The following USH2A variants were observed in gnomAD, a reference collection of about 807,000 sequenced individuals.
USH2A encodes the protein usherin.
In USH2A, 443 loss-of-function variants were observed where a neutral mutation model predicts 538.9. That is an observed-to-expected ratio of 0.82 (90% CI 0.76 to 0.89). The LOEUF is 0.89. Among genes scored for constraint, USH2A ranks in the 40% least tolerant of loss-of-function variants. USH2A has a pLI of 0.00. For synonymous variants in USH2A, 2,413 were observed against 2,273.5 expected (o/e 1.06, Z -1.75); for missense variants, 6,633 against 6,324.8 (o/e 1.05, Z -1.65).
intron 40 of USH2A, among the ~76,000 whole-genome samples, chr1:215,893,675 A>G (rs574571878): frequency 2.6e-5 from 4 of 152,274 alleles, no homozygotes; most frequent in Admixed American, 1.3e-4. Flanking sequence ...CATTACTTTC[A>G]CCTGCAGTCT....
intron 34 of USH2A, 81 bp downstream of exon 34, chr1:215,998,806 A>T: frequency 2.1e-6 from 3 of 1,445,354 alleles, no homozygotes; most frequent in Non-Finnish European, 1.9e-6. Flanking sequence ...TTTAAGTGAG[A>T]GAGAAAGAAA....
chr1:215,876,951 T>C (rs879680170), intron 43 of USH2A, among the ~76,000 whole-genome samples: 1 of 152,186 alleles, frequency 6.6e-6, no homozygotes, highest in Non-Finnish European at 1.5e-5. Flanking sequence ...GTGGTGGGTC[T>C]AGAAAAATAA....
chr1:216,028,681 C>T (rs531280704), intron 32 of USH2A, among the ~76,000 whole-genome samples: 137 of 152,066 alleles, frequency 9.0e-4, no homozygotes, highest in Admixed American at 2.0e-3. Context: ...ATATAGAGTG[C>T]ATGCAAATGG....
chr1:216,165,948 T>A (rs1237851751), intron 21 of USH2A, among the ~76,000 whole-genome samples: 4 of 152,122 alleles, frequency 2.6e-5, no homozygotes, highest in South Asian at 2.1e-4. Flanking sequence ...TAGTTTTTTT[T>A]ATCCCTCACC....
intron 61 of USH2A, among the ~76,000 whole-genome samples, chr1:215,692,955 G>A (rs147561463): frequency 3.3e-5 from 5 of 151,356 alleles, no homozygotes; most frequent in African/African-American, 4.8e-5. Context: ...CCGGGTTGGA[G>A]TATTGTGGCA....
At chr1:216,185,431 A>G (rs78007655) in intron 20 of USH2A, among the ~76,000 whole-genome samples, 4,520 of 152,034 alleles carry the variant, frequency 0.03, 110 homozygotes, top group Non-Finnish European at 0.047. Context: ...TGAGACCGAG[A>G]TTTAAGGGGG....
At chr1:216,298,603 C>A (rs188940615) in intron 9 of USH2A, among the ~76,000 whole-genome samples, 1 of 152,052 alleles carries the variant, frequency 6.6e-6, no homozygotes, top group Non-Finnish European at 1.5e-5. Context: ...AGAAAAAAAC[C>A]CTGCAGATAT....
At chr1:216,208,423 T>C (rs2035167428) in intron 15 of USH2A, among the ~76,000 whole-genome samples, 1 of 152,078 alleles carries the variant, frequency 6.6e-6, no homozygotes, top group Non-Finnish European at 1.5e-5. Context: ...AAATGTAAGG[T>C]ACAGAAAAGA....
intron 4 of USH2A, among the ~76,000 whole-genome samples, chr1:216,364,514 G>A (rs533256555): frequency 1.3e-5 from 2 of 152,256 alleles, no homozygotes; most frequent in Admixed American, 1.3e-4. Flanking sequence ...TTAAGTTAAG[G>A]AACTCAGGGT....
At chr1:216,361,823 G>A (rs527958790) in intron 4 of USH2A, among the ~76,000 whole-genome samples, 60 of 152,268 alleles carry the variant, frequency 3.9e-4, no homozygotes, top group African/African-American at 1.4e-3. Flanking sequence ...AGATATAACT[G>A]CATACACTAT....
chr1:216,320,132 GT>G (rs1294573858), intron 9 of USH2A, among the ~76,000 whole-genome samples: 6 of 152,108 alleles, frequency 3.9e-5, no homozygotes, highest in African/African-American at 1.4e-4. Context: ...AGTGTTGGAG[GT>G]GAGCCTGGTG....
At chr1:216,222,334 G>A (rs1242692715) in intron 14 of USH2A, among the ~76,000 whole-genome samples, 3 of 152,272 alleles carry the variant, frequency 2.0e-5, no homozygotes, top group Admixed American at 2.0e-4. Flanking sequence ...ATTAACATTG[G>A]TGTGCTCTAA....
intron 58 of USH2A, among the ~76,000 whole-genome samples, chr1:215,754,976 C>T (rs958509242): frequency 3.9e-5 from 6 of 152,252 alleles, no homozygotes; most frequent in South Asian, 2.1e-4. Context: ...TTCCCTTCAG[C>T]GGCTTGCCAT....
chr1:216,128,367 A>AT (rs1242735364), intron 21 of USH2A, among the ~76,000 whole-genome samples: 3 of 152,068 alleles, frequency 2.0e-5, no homozygotes, highest in Non-Finnish European at 2.9e-5. Context: ...GAATTCACGT[A>AT]TTTTGACCCA....
chr1:215,716,353 C>G (rs1202812679), intron 61 of USH2A, among the ~76,000 whole-genome samples: 2 of 152,204 alleles, frequency 1.3e-5, no homozygotes, highest in Non-Finnish European at 2.9e-5. Flanking sequence ...CTTTCTATCC[C>G]CATTCAGTCC....
rs760644887 is a variant in USH2A at position 215,675,145 on chromosome 1, C to T, written c.12766G>A (p.Val4256Met). ...AGHTCSSWNV[V>M]RTLQAPPEGL... is the part of the protein sequence containing the mutation. ...TCTGGAGGTGCTTGCAATGTCCTCACCACATTCCAAGAGCTACAGGTATGC... is the reference window on the plus strand; with the variant it reads ...TCTGGAGGTGCTTGCAATGTCCTCATCACATTCCAAGAGCTACAGGTATGC... The change falls in exon 63 of 72, where the codon GTG becomes ATG. Residue 4256 changes from valine (V) to methionine (M), a missense_variant. Coordinates refer to ENST00000307340, the MANE Select transcript of USH2A (RefSeq NM_206933.4). 1.2e-6 allele frequency: 2 copies of T among 1,613,952 alleles called. No individual in the cohort carries two copies. The highest frequency in any genetic ancestry group is 1.7e-5 in the Admixed American group (1 of 59,984).
At chr1:216,101,063 C>T (rs1287552413) in intron 21 of USH2A, among the ~76,000 whole-genome samples, 1 of 152,116 alleles carries the variant, frequency 6.6e-6, no homozygotes, top group Non-Finnish European at 1.5e-5. Context: ...TCATTTTTCT[C>T]TTTACACTGC....
intron 16 of USH2A, 120 bp downstream of exon 16, chr1:216,207,153 T>A: frequency 8.1e-7 from 1 of 1,235,850 alleles, no homozygotes; most frequent in Non-Finnish European, 1.2e-6. Flanking sequence ...TTATCTCTGT[T>A]TGAAACACTC....
intron 49 of USH2A, among the ~76,000 whole-genome samples, chr1:215,812,715 G>GTTTGTATTCTCAATTACT (rs201726250): frequency 0.033 from 5,080 of 151,992 alleles, 97 homozygotes; most frequent in African/African-American, 0.049. Context: ...GTAGAAAAAA[G>GTTTGTATTCTCAATTACT]TTTGTATTCT....
Sources: allele counts gnomAD v4.1 joint callset (sites outside exome capture counted in the v4.1 genomes callset), GRCh38; gene constraint gnomAD v4.1.1; transcripts MANE v1.5; gene names NCBI Gene and HGNC (gene_info 2026-07-23, HGNC 2026-07-21).